ABR: variants seen among roughly 807,000 people sequenced by gnomAD.
The protein encoded by ABR is ABR activator of RhoGEF and GTPase.
ABR carries 35 observed loss-of-function variants against 107.2 expected under a neutral mutation model. That is an observed-to-expected ratio of 0.33 (90% CI 0.25 to 0.43). The LOEUF (loss-of-function observed/expected upper bound fraction) is 0.43, where lower values mean the gene tolerates loss of function less well. Among genes scored for constraint, ABR ranks in the 20% least tolerant of loss-of-function variants. The pLI is 1.00. For synonymous variants in ABR, 498 were observed against 462.0 expected, an observed-to-expected ratio of 1.08 and a Z score of -1.00; for missense variants, 815 against 1,115.2, an observed-to-expected ratio of 0.73 and a Z score of 3.83.
At chr17:1,035,027 C>A (rs78213761) in intron 16 of ABR, among the ~76,000 whole-genome samples, 1 of 151,886 alleles carries the variant, frequency 6.6e-6, no homozygotes, top group Non-Finnish European at 1.5e-5. Context: ...GATGGGTAGC[C>A]GAGTTGGGAG....
In ABR at chr17:1,166,141, G is replaced by A. The variant is rs1007707293; in HGVS notation, c.61+13526C>T. On this transcript the variant is annotated intron_variant, in intron 1 of 22. Coordinates refer to ENST00000302538, the MANE Select transcript of ABR (RefSeq NM_021962.5). The stretch of plus-strand genomic sequence containing the variant: ...AGAGCCCAAGGTGGAGTTTCACTTC[G>A]GTCATTCTCAGCTCTATTTTTACTC... 7.9e-5 allele frequency among the ~76,000 whole-genome samples: 12 copies of A among 152,072 alleles called. No individual in the cohort carries two copies. The South Asian group carries it at 1.0e-3, about 13-fold the overall frequency.
At chr17:1,012,154 C>A in intron 18 of ABR, 169 bp from the exon 19 acceptor site, 1 of 1,116,182 alleles carries the variant, frequency 9.0e-7, no homozygotes, top group South Asian at 1.3e-5. Flanking sequence ...CCACCCCAGC[C>A]AGCCCACCCG....
At chr17:1,039,045 C>CAA (rs534443000) in intron 16 of ABR, among the ~76,000 whole-genome samples, 3 of 152,308 alleles carry the variant, frequency 2.0e-5, no homozygotes, top group African/African-American at 7.2e-5. Context: ...CGGCTAAGAT[C>CAA]AAACCCAGGT....
chr17:1,064,023 A>G (rs866503296), intron 10 of ABR, among the ~76,000 whole-genome samples: 13 of 141,292 alleles, frequency 9.2e-5, no homozygotes, highest in African/African-American at 3.4e-4. Flanking sequence ...TCCTCTAGAC[A>G]CTGTTGTTAT....
intron 17 of ABR, 104 bp downstream of exon 17, chr17:1,013,001 G>T (rs927214651): frequency 7.1e-7 from 1 of 1,405,336 alleles, no homozygotes; most frequent in East Asian, 2.3e-5. Flanking sequence ...AGGTCGAGGC[G>T]GCACAGCGGC....
At chr17:1,133,130 A>G (rs1453738309) in intron 1 of ABR, among the ~76,000 whole-genome samples, 1 of 152,142 alleles carries the variant, frequency 6.6e-6, no homozygotes, top group African/African-American at 2.4e-5. Context: ...AATCCCAGCT[A>G]CTTGGGAAGG....
At chr17:1,014,000 T>C (rs1020554876) in intron 16 of ABR, among the ~76,000 whole-genome samples, 1 of 152,244 alleles carries the variant, frequency 6.6e-6, no homozygotes, top group African/African-American at 2.4e-5. Context: ...AATCTGAACA[T>C]TTCCAAGTTT....
At position 1,078,508 on chromosome 17, in the gene ABR, G is replaced by T. The variant is rs553462519; in HGVS notation, c.700+822C>A. 1.3e-5 allele frequency among the ~76,000 whole-genome samples: 2 copies of T among 151,930 alleles called. No homozygotes were observed. The highest frequency in any genetic ancestry group is 2.9e-5 in the Non-Finnish European group (2 of 67,994). On this transcript the variant is annotated intron_variant, in intron 6 of 22. Coordinates refer to ENST00000302538, the MANE Select transcript of ABR (RefSeq NM_021962.5). The surrounding 1 kb of genome is among the most constrained non-coding windows in gnomAD (Gnocchi z 7.5). ...ACGTCTGCGGGCACAGCTCGTCGCC[G>T]TCTCTCCCTAACAGCCCCTCCAGGA... is the stretch of plus-strand genomic sequence containing the variant.
chr17:1,049,922 T>TG lies in ABR; in HGVS notation c.1791+127dup, dbSNP rs140229188. On this transcript the variant is annotated intron_variant, in intron 16 of 22. Coordinates refer to ENST00000302538, the MANE Select transcript of ABR (RefSeq NM_021962.5). ...TAGCAGGGAGGGGAGAACCACCTCC[T>TG]GGGAACTTTCCTCCAACCAGCTTGG... 6,161 of 1,343,520 alleles carry TG rather than the reference T, an allele frequency of 4.6e-3. 226 individuals are homozygous for TG. The African/African-American group carries it at 0.076, about 17-fold the overall frequency. The allele number at this position is 1,343,520 out of a possible 1,614,324, so 83.2% of individuals were successfully genotyped here.
chr17:1,058,019 G>A lies in ABR; in HGVS notation c.1332C>T (p.Asp444=), dbSNP rs1042519935. ...CTTCTCTCCACTCTGACCTCTCGTAGTCCGAGGACAGTAGGAACAGGTAAC... is the reference window on the plus strand; with the variant it reads ...CTTCTCTCCACTCTGACCTCTCGTAATCCGAGGACAGTAGGAACAGGTAAC... ...GKSYLFLLSS[D]YERSEWREAI... is the part of the protein sequence containing the mutation. The change falls in exon 12 of 23, where the codon GAC becomes GAT. Residue 444 remains aspartate (D), a synonymous_variant. Coordinates refer to ENST00000302538, the MANE Select transcript of ABR (RefSeq NM_021962.5). 6.2e-7 allele frequency: 1 copy of A among 1,613,332 alleles called. No individual in the cohort carries two copies. Among genetic ancestry groups the A allele is most frequent in the African/African-American group, 1.3e-5 (1 of 74,868 alleles).
intron 16 of ABR, among the ~76,000 whole-genome samples, chr17:1,024,325 G>A (rs777032559): frequency 3.9e-5 from 6 of 152,212 alleles, no homozygotes; most frequent in Non-Finnish European, 4.4e-5. Flanking sequence ...GTCTCCAGAC[G>A]CTCCCATCTG....
chr17:1,091,932 C>T, intron 3 of ABR, 82 bp from the exon 4 acceptor site: 2 of 1,403,672 alleles, frequency 1.4e-6, no homozygotes, highest in South Asian at 1.3e-5. Flanking sequence ...CGATCGTTAG[C>T]CCTTCCCGCT....
intron 1 of ABR, among the ~76,000 whole-genome samples, chr17:1,228,634 C>T (rs920096742): frequency 6.6e-6 from 1 of 152,148 alleles, no homozygotes; most frequent in African/African-American, 2.4e-5. Flanking sequence ...CCACAGGTGG[C>T]TTTGGGGTAC....
intron 2 of ABR, among the ~76,000 whole-genome samples, chr17:1,114,081 G>A (rs2038866231): frequency 6.6e-6 from 1 of 151,170 alleles, no homozygotes. Context: ...TGAGGCAGGA[G>A]GATTGCTTGG....
At chr17:1,076,513 A>G (rs1419963281) in intron 6 of ABR, among the ~76,000 whole-genome samples, 1 of 151,940 alleles carries the variant, frequency 6.6e-6, no homozygotes, top group Non-Finnish European at 1.5e-5. Flanking sequence ...GGCTCCACAG[A>G]AAGCTGACAC....
intron 2 of ABR, among the ~76,000 whole-genome samples, chr17:1,104,954 C>A (rs2038145295): frequency 1.3e-5 from 2 of 151,894 alleles, no homozygotes; most frequent in Admixed American, 1.3e-4. Flanking sequence ...GCCATACTCA[C>A]ATACCACCAC....
In ABR at chr17:1,070,120, C is replaced by A; in HGVS notation, c.895-30G>T. 1 of 1,612,592 alleles carries A rather than the reference C, an allele frequency of 6.2e-7. No homozygotes were observed. The highest frequency in any genetic ancestry group is 8.5e-7 in the Non-Finnish European group (1 of 1,179,458). On this transcript the variant is annotated intron_variant, in intron 8 of 22. Coordinates refer to ENST00000302538, the MANE Select transcript of ABR (RefSeq NM_021962.5). The surrounding 1 kb of genome is among the most constrained non-coding windows in gnomAD (Gnocchi z 4.2). ...GGGAGATGGCAGACCCCCCAGCCTGCTCAGAGGGGAATGCGGCCGAGGGCA... is the reference window on the plus strand; with the variant it reads ...GGGAGATGGCAGACCCCCCAGCCTGATCAGAGGGGAATGCGGCCGAGGGCA...
intron 1 of ABR, among the ~76,000 whole-genome samples, chr17:1,126,060 G>A (rs951788438): frequency 6.6e-6 from 1 of 152,132 alleles, no homozygotes; most frequent in Admixed American, 6.5e-5. Context: ...AAGGAAAGGC[G>A]ACCGGGAAGT....
chr17:1,012,301 G>C, intron 18 of ABR: 1 of 640,590 alleles, frequency 1.6e-6, no homozygotes, highest in Non-Finnish European at 2.9e-6. Context: ...GCCCACATGA[G>C]GAGGTGGGTC....
Sources: gnomAD v4.1 joint callset for allele counts (sites outside exome capture counted in the v4.1 genomes callset) on GRCh38, gnomAD v4.1.1 for gene constraint, Gnocchi (gnomAD v3.1) non-coding constraint, MANE v1.5 for transcripts, NCBI Gene and HGNC (gene_info 2026-07-23, HGNC 2026-07-21) for gene names.